Variants in NGFR observed in about 807,000 individuals in gnomAD.
NGFR encodes tumor necrosis factor receptor superfamily member 16.
A neutral mutation model predicts 43.2 loss-of-function variants in NGFR; 30 were observed. The ratio of observed to expected loss-of-function variants is 0.69; its 90% CI spans 0.52 to 0.94. The LOEUF is 0.94. Among genes scored for constraint, NGFR ranks in the 40% least tolerant of loss-of-function variants. The probability of loss-of-function intolerance (pLI) is 0.00; values close to 1 mark genes in which losing one functional copy is unlikely to be tolerated. For missense variants in NGFR, 529 were observed against 602.5 expected, an observed-to-expected ratio of 0.88 and a Z score of 1.28; for synonymous variants, 246 against 259.6, an observed-to-expected ratio of 0.95 and a Z score of 0.50.
At chr17:49,510,298 G>A in intron 3 of NGFR, 114 bp from the exon 4 acceptor site, 2 of 1,473,728 alleles carry the variant, frequency 1.4e-6, no homozygotes, top group Non-Finnish European at 1.8e-6. Context: ...TAACAGCTGG[G>A]CACAAGAGCA....
In NGFR at chr17:49,510,495, C is replaced by A; in HGVS notation, c.652C>A (p.Pro218Thr). The change falls in exon 4 of 6, where the codon CCT becomes ACT. Residue 218 changes from proline (P) to threonine (T), a missense_variant. By Grantham distance (38) the Pro-to-Thr change is conservative. Transcript: ENST00000172229. ...CCCCAGCACCCAGGAGCCTGAGGCACCTCCAGAACAAGACCTCATAGCCAG... is the reference window on the plus strand; with the variant it reads ...CCCCAGCACCCAGGAGCCTGAGGCAACTCCAGAACAAGACCTCATAGCCAG... ...TAPSTQEPEA[P>T]PEQDLIASTV... 1.9e-6 allele frequency: 3 copies of A among 1,614,150 alleles called. No individual in the cohort carries two copies. The South Asian group carries it at 3.3e-5, about 18-fold the overall frequency.
intron 3 of NGFR, among the ~76,000 whole-genome samples, chr17:49,507,286 G>A (rs115014488): frequency 8.9e-4 from 135 of 152,318 alleles, no homozygotes; most frequent in African/African-American, 3.1e-3. Context: ...GGAATACAGT[G>A]GGGCTGGCCC....
intron 3 of NGFR, among the ~76,000 whole-genome samples, chr17:49,507,915 T>C (rs1010310201): frequency 1.3e-5 from 2 of 152,214 alleles, no homozygotes; most frequent in African/African-American, 4.8e-5. Flanking sequence ...GCAGCAGAGC[T>C]TCTGCCTCAG....
chr17:49,502,018 C>CCCCCCCCAG (rs2143427527), intron 1 of NGFR, 45 bp from the exon 2 acceptor site: 5 of 1,320,354 alleles, frequency 3.8e-6, no homozygotes, highest in East Asian at 2.7e-5. Context: ...CAACCCACCC[C>CCCCCCCCAG]AGCTTTCTCT....
chr17:49,507,436 G>A (rs895881422), intron 3 of NGFR, among the ~76,000 whole-genome samples: 2 of 152,300 alleles, frequency 1.3e-5, no homozygotes, highest in East Asian at 1.9e-4. Context: ...TCAAAAGCCC[G>A]GGGACAAGGC....
intron 3 of NGFR, among the ~76,000 whole-genome samples, chr17:49,507,176 G>T (rs1329613915): frequency 6.6e-6 from 1 of 152,154 alleles, no homozygotes; most frequent in Non-Finnish European, 1.5e-5. Context: ...ACCTGAGATG[G>T]AACCCACCCT....
At chr17:49,506,704 G>A in intron 3 of NGFR, 46 bp downstream of exon 3, 2 of 737,232 alleles carry the variant, frequency 2.7e-6, no homozygotes, top group Non-Finnish European at 3.9e-6. Context: ...GCGGGGGTGG[G>A]CTGGGGGCAT....
chr17:49,512,168 C>A lies in NGFR; in HGVS notation c.982+116C>A, dbSNP rs1047999176. 4 of 1,308,728 alleles carry A rather than the reference C, an allele frequency of 3.1e-6. No homozygotes were observed. Among genetic ancestry groups the A allele is most frequent in the Non-Finnish European group, 4.1e-6 (4 of 967,416 alleles). 81.1% of individuals were successfully genotyped at this position (1,308,728 alleles called of 1,614,324 possible). On this transcript the variant is annotated intron_variant, in intron 5 of 5. Coordinates refer to ENST00000172229, the MANE Select transcript of NGFR (RefSeq NM_002507.4). This position sits in a 1 kb window ranked among gnomAD's most constrained non-coding sequence, Gnocchi z 5.2. ...GGGCGGCAGGGCTGGCTCAGCGGTG[C>A]CCCTGTAGATGGATGGAGAGGCTGG...
intron 1 of NGFR, among the ~76,000 whole-genome samples, chr17:49,498,951 T>A (rs1425045692): frequency 2.0e-5 from 3 of 152,182 alleles, no homozygotes; most frequent in Non-Finnish European, 4.4e-5. Context: ...ATTCCTACTG[T>A]AGACCAGACA....
intron 4 of NGFR, 56 bp from the exon 5 acceptor site, chr17:49,511,836 G>T: frequency 2.7e-6 from 4 of 1,482,056 alleles, no homozygotes; most frequent in Non-Finnish European, 3.6e-6. Flanking sequence ...ATACTCAGCT[G>T]CATCGGCCAC....
intron 1 of NGFR, among the ~76,000 whole-genome samples, chr17:49,500,999 C>A (rs536016725): frequency 2.6e-5 from 4 of 152,238 alleles, no homozygotes; most frequent in Non-Finnish European, 5.9e-5. Context: ...AAAGCCCATA[C>A]TTCTCAGCAT....
rs548159109 is a variant in NGFR, at chr17:49,495,814, G to A, written c.66+331G>A. On this transcript the variant is annotated intron_variant, in intron 1 of 5. Transcript: ENST00000172229. This position sits in a 1 kb window ranked among gnomAD's most constrained non-coding sequence, Gnocchi z 6.4. Reference sequence around the variant, plus strand: ...CCAGGTTCTTCGGAAGAGGACACTCGAATGCCGGGATCCCGAAGGGACTTT... The same window carrying A: ...CCAGGTTCTTCGGAAGAGGACACTCAAATGCCGGGATCCCGAAGGGACTTT... 1.7e-3 allele frequency: 534 copies of A among 309,896 alleles called. 1 individual carries two copies. The highest frequency in any genetic ancestry group is 1.9e-3 in the Non-Finnish European group (316 of 169,228). The allele number at this position is 309,896 out of a possible 1,614,324, so 19.2% of individuals were successfully genotyped here. A position where few individuals can be genotyped will look rare whatever the true frequency, so the allele number is the denominator to read the frequency against.
At position 49,506,649 on chromosome 17, in the gene NGFR, G is replaced by A. The variant is rs1479874707; in HGVS notation, c.559G>A (p.Glu187Lys). ...CGAGTGCACACGCTGGGCCGACGCC[G>A]AGTGCGAGGGTGAGTGCGGTTCGGG... ...LRECTRWADA[E>K]CEEIPGRWIT... The change falls in exon 3 of 6, where the codon GAG becomes AAG. Residue 187 changes from glutamate to lysine, a missense_variant. Transcript: ENST00000172229. 3.9e-6 allele frequency: 6 copies of A among 1,530,958 alleles called. No individual in the cohort carries two copies. The highest frequency in any genetic ancestry group is 4.8e-5 in the East Asian group (2 of 41,778). The allele number at this position is 1,530,958 out of a possible 1,614,324, so 94.8% of individuals were successfully genotyped here.
At chr17:49,497,926 G>C (rs1398774527) in intron 1 of NGFR, 2 of 152,348 alleles carry the variant, frequency 1.3e-5, no homozygotes, top group Non-Finnish European at 2.9e-5. Context: ...TCTTCCCTGG[G>C]GGACCGCGTG....
At chr17:49,507,555 G>A (rs867996806) in intron 3 of NGFR, among the ~76,000 whole-genome samples, 4 of 152,212 alleles carry the variant, frequency 2.6e-5, no homozygotes, top group Non-Finnish European at 4.4e-5. Context: ...ATGGGAGAAG[G>A]AAGCCCCGTG....
chr17:49,506,768 A>G (rs1005250257), intron 3 of NGFR, 110 bp downstream of exon 3: 1 of 1,132,224 alleles, frequency 8.8e-7, no homozygotes, highest in Non-Finnish European at 1.2e-6. Flanking sequence ...CTGCTGGGGC[A>G]GCTTGGTGAC....
Position 49,513,397 on chromosome 17 carries a change from A to C in NGFR, c.*388A>C. On this transcript the variant is annotated 3_prime_UTR_variant, in exon 6 of 6. Transcript: ENST00000172229. ...AGGGGGAAGTGACAAGGCCCCAGAGACTCAGAGGGAGGAATCGAGGAACCA... is the reference window on the plus strand; with the variant it reads ...AGGGGGAAGTGACAAGGCCCCAGAGCCTCAGAGGGAGGAATCGAGGAACCA... The C allele has an allele frequency of 4.7e-6, 1 of 211,048 alleles. No homozygotes were observed. The highest frequency in any genetic ancestry group is 9.5e-6 in the Non-Finnish European group (1 of 104,846). 13.1% of individuals were successfully genotyped at this position (211,048 alleles called of 1,614,324 possible).
chr17:49,512,071 GGGAGCTGAGGC>G lies in NGFR; in HGVS notation c.982+31_982+41del, dbSNP rs769205832. On this transcript the variant is annotated intron_variant, in intron 5 of 5. Coordinates refer to ENST00000172229, the MANE Select transcript of NGFR (RefSeq NM_002507.4). The surrounding 1 kb of genome is among the most constrained non-coding windows in gnomAD (Gnocchi z 5.2). ...GGCCAGGGTGAGCAGCGGCCCGCTGGGGAGCTGAGGCGGAGCTGAGGCTGAGGAAACAGAAG... is the reference window on the plus strand; with the variant it reads ...GGCCAGGGTGAGCAGCGGCCCGCTGGGGAGCTGAGGCTGAGGAAACAGAAG... 3.6e-5 allele frequency: 58 copies of G among 1,608,794 alleles called. No homozygotes were observed. The highest frequency in any genetic ancestry group is 1.3e-4 in the Admixed American group (8 of 59,610).
At position 49,506,555 on chromosome 17, in the gene NGFR, C is replaced by T. The variant is rs776804629; in HGVS notation, c.465C>T (p.Ser155=). 5 of 1,611,564 alleles carry T rather than the reference C, an allele frequency of 3.1e-6. No homozygotes were observed. Among genetic ancestry groups the T allele is most frequent in the East Asian group, 2.2e-5 (1 of 44,848 alleles). ...VCEECPDGTY[S]DEANHVDPCL... ...AGGAGTGCCCCGACGGCACGTATTC[C>T]GACGAGGCCAACCACGTGGACCCGT... Residue 155 remains serine (S), a synonymous_variant, in exon 3 of 6, where the codon TCC becomes TCT. Transcript: ENST00000172229.
Sources: gnomAD v4.1 joint callset for allele counts (sites outside exome capture counted in the v4.1 genomes callset) on GRCh38, gnomAD v4.1.1 for gene constraint, Gnocchi (gnomAD v3.1) non-coding constraint, MANE v1.5 for transcripts, NCBI Gene and HGNC (gene_info 2026-07-23, HGNC 2026-07-21) for gene names.